Variants in SBK1 observed in about 807,000 individuals in gnomAD.
The protein encoded by SBK1 is SH3 domain binding kinase 1, also known as serine/threonine-protein kinase SBK1.
Under a neutral mutation model 24.4 loss-of-function variants are expected in SBK1, and 11 were observed. That is an observed-to-expected ratio of 0.45 (90% CI 0.28 to 0.75). The LOEUF is 0.75. SBK1 is among the 30% of genes least tolerant of loss of function. The pLI is 0.12. For missense variants in SBK1, 467 were observed against 620.5 expected, an observed-to-expected ratio of 0.75 and a Z score of 2.63; for synonymous variants, 308 against 284.4, an observed-to-expected ratio of 1.08 and a Z score of -0.83.
In SBK1 at chr16:28,314,600, C is replaced by G. The variant is rs151052196; in HGVS notation, c.-7-2785C>G. Among the ~76,000 whole-genome samples the G allele has an allele frequency of 8.4e-3, 1,282 of 152,282 alleles. 10 individuals carry two copies. Among genetic ancestry groups the G allele is most frequent in the Non-Finnish European group, 0.014 (931 of 68,036 alleles). Reference sequence around the variant, plus strand: ...GTCTGGCTCTACATCTGTGCCTTCTCCCAGAGGGAGCTGTGGTCATTGTTC... The same window carrying G: ...GTCTGGCTCTACATCTGTGCCTTCTGCCAGAGGGAGCTGTGGTCATTGTTC... On this transcript the variant is annotated intron_variant, in intron 1 of 3. Coordinates refer to ENST00000341901, the MANE Select transcript of SBK1 (RefSeq NM_001024401.3).
intron 1 of SBK1, among the ~76,000 whole-genome samples, chr16:28,308,781 T>TGTG (rs1567678533): frequency 2.5e-3 from 232 of 94,500 alleles, no homozygotes; most frequent in Middle Eastern, 5.6e-3. Flanking sequence ...GTGTGTGTGT[T>TGTG]TGTTTTGTTT....
intron 1 of SBK1, among the ~76,000 whole-genome samples, chr16:28,276,362 T>C (rs957351125): frequency 3.3e-5 from 5 of 151,966 alleles, no homozygotes; most frequent in African/African-American, 4.8e-5. Flanking sequence ...CTGGGAGGCA[T>C]AGTGAGGGCG....
chr16:28,296,733 T>C lies in SBK1; in HGVS notation c.-8+3433T>C, dbSNP rs570110725. ...TGATCCCATCTTGCACTCTTACCCC[T>C]GAACTAGTGACATCCAGCAACCAAA... On this transcript the variant is annotated intron_variant, in intron 1 of 3. Coordinates refer to ENST00000341901, the MANE Select transcript of SBK1 (RefSeq NM_001024401.3). Among the ~76,000 whole-genome samples, 8 of 152,290 alleles carry C rather than the reference T, an allele frequency of 5.3e-5. No homozygotes were observed. The South Asian group carries it at 1.2e-3, about 24-fold the overall frequency.
Position 28,317,389 on chromosome 16 carries a change from A to C in SBK1, c.-3A>C. ...CTCACCACCCCTACCCAACAGGGAGAAGATGAGCGTGGGCTGCCCAGAGCC... is the reference window on the plus strand; with the variant it reads ...CTCACCACCCCTACCCAACAGGGAGCAGATGAGCGTGGGCTGCCCAGAGCC... On this transcript the variant is annotated 5_prime_UTR_variant, in exon 2 of 4. Coordinates refer to ENST00000341901, the MANE Select transcript of SBK1 (RefSeq NM_001024401.3). The surrounding 1 kb of genome is among the most constrained non-coding windows in gnomAD (Gnocchi z 4.2). 6.2e-7 allele frequency: 1 copy of C among 1,612,572 alleles called. No individual in the cohort carries two copies. Among genetic ancestry groups the C allele is most frequent in the South Asian group, 1.1e-5 (1 of 90,980 alleles).
In SBK1 at chr16:28,292,982, C is replaced by A. The variant is rs1173371155; in HGVS notation, c.-326C>A. On this transcript the variant is annotated 5_prime_UTR_variant, in exon 1 of 4. Coordinates refer to ENST00000341901, the MANE Select transcript of SBK1 (RefSeq NM_001024401.3). The stretch of plus-strand genomic sequence containing the variant: ...ATTGCGAGAACCCCCTCCCAAGATC[C>A]GGTCATTACAACTCCACACCTCAAG... 2 of 984,862 alleles carry A rather than the reference C, an allele frequency of 2.0e-6. No individual in the cohort carries two copies. The highest frequency in any genetic ancestry group is 2.4e-6 in the Non-Finnish European group (2 of 829,586). 61.0% of individuals were successfully genotyped at this position (984,862 alleles called of 1,614,324 possible).
rs143811494 is a variant in SBK1 at position 28,275,390 on chromosome 16, A to G, written c.257+15888A>G. 7.3e-3 allele frequency among the ~76,000 whole-genome samples: 1,107 copies of G among 152,316 alleles called. 15 individuals are homozygous for G. The highest frequency in any genetic ancestry group is 0.025 in the African/African-American group (1,055 of 41,576). ...ATGGGCATATCTAACTTGAATACAA[A>G]TTAAAAGTATATTTTCTATATGTAT... is the stretch of plus-strand genomic sequence containing the variant. On this transcript the variant is annotated intron_variant, in intron 1 of 3. Coordinates refer to the SBK1 transcript ENST00000671413.
At chr16:28,308,284 A>G (rs1016240401) in intron 1 of SBK1, among the ~76,000 whole-genome samples, 12 of 151,738 alleles carry the variant, frequency 7.9e-5, no homozygotes, top group African/African-American at 2.7e-4. Flanking sequence ...CTAAATATCT[A>G]GGATTACAGG....
chr16:28,266,359 C>A (rs888772370), intron 1 of SBK1, among the ~76,000 whole-genome samples: 2 of 151,714 alleles, frequency 1.3e-5, no homozygotes, highest in Non-Finnish European at 2.9e-5. Context: ...AAAGGGAGAC[C>A]CTGTCTCTTA....
intron 1 of SBK1, among the ~76,000 whole-genome samples, chr16:28,268,276 C>A (rs976144535): frequency 6.6e-6 from 1 of 151,844 alleles, no homozygotes; most frequent in African/African-American, 2.4e-5. Flanking sequence ...AGAGTCTCAC[C>A]CTGTCAACTA....
chr16:28,283,058 G>A (rs1244044388), intron 1 of SBK1, among the ~76,000 whole-genome samples: 4 of 151,888 alleles, frequency 2.6e-5, no homozygotes, highest in Admixed American at 6.6e-5. Context: ...TCAGCCTCCC[G>A]AGTAGCTGAG....
At chr16:28,283,075 G>A (rs1488600401) in intron 1 of SBK1, among the ~76,000 whole-genome samples, 1 of 152,116 alleles carries the variant, frequency 6.6e-6, no homozygotes, top group East Asian at 1.9e-4. Flanking sequence ...TGAGATTACA[G>A]GTGTGCACCA....
chr16:28,279,779 G>A (rs1385006632), intron 1 of SBK1, among the ~76,000 whole-genome samples: 2 of 152,010 alleles, frequency 1.3e-5, no homozygotes, highest in African/African-American at 2.4e-5. Flanking sequence ...CAGCAGGCTG[G>A]GGATGAGCCC....
intron 1 of SBK1, among the ~76,000 whole-genome samples, chr16:28,301,996 C>T (rs929275881): frequency 3.3e-5 from 5 of 152,192 alleles, no homozygotes; most frequent in African/African-American, 1.2e-4. Context: ...TTGCTGGGGT[C>T]TGTATTTGTG....
rs373304445 is a variant in SBK1 at position 28,293,147 on chromosome 16, C to A, written c.-161C>A. On this transcript the variant is annotated 5_prime_UTR_variant, in exon 1 of 4. Transcript: ENST00000341901. The stretch of plus-strand genomic sequence containing the variant: ...AGCAAGAAGCCTCGGGGATCCCCCC[C>A]CTAAAGCTCCAGGACTTGGGCGACT... 114 of 985,744 alleles carry A rather than the reference C, an allele frequency of 1.2e-4. No individual in the cohort carries two copies. The South Asian group carries it at 1.6e-3, about 14-fold the overall frequency. 61.1% of individuals were successfully genotyped at this position (985,744 alleles called of 1,614,324 possible). A position where few individuals can be genotyped will look rare whatever the true frequency, so the allele number is the denominator to read the frequency against.
chr16:28,298,331 G>A (rs2044655312), intron 1 of SBK1, among the ~76,000 whole-genome samples: 1 of 152,208 alleles, frequency 6.6e-6, no homozygotes, highest in Non-Finnish European at 1.5e-5. Context: ...AGTGTCAAGT[G>A]CTCAGTGCTG....
At chr16:28,312,205 G>C (rs1390403148) in intron 1 of SBK1, among the ~76,000 whole-genome samples, 1 of 152,204 alleles carries the variant, frequency 6.6e-6, no homozygotes, top group Non-Finnish European at 1.5e-5. Flanking sequence ...AGAGCCCCTG[G>C]GGGACAGCCC....
chr16:28,292,757 CT>C lies in SBK1; in HGVS notation c.-549del. The stretch of plus-strand genomic sequence containing the variant: ...GCAGCCGAGGAGTGCGGGGAGCCCC[CT>C]TCCACATCCAGGATCCGGCGAGCCT... On this transcript the variant is annotated 5_prime_UTR_variant, in exon 1 of 4. Coordinates refer to ENST00000341901, the MANE Select transcript of SBK1 (RefSeq NM_001024401.3). 1 of 985,258 alleles carries C rather than the reference CT, an allele frequency of 1.0e-6. No individual in the cohort carries two copies. The highest frequency in any genetic ancestry group is 1.2e-6 in the Non-Finnish European group (1 of 829,784). The allele number at this position is 985,258 out of a possible 1,614,324, so 61.0% of individuals were successfully genotyped here.
chr16:28,304,200 C>T (rs913807631), intron 1 of SBK1, among the ~76,000 whole-genome samples: 13 of 152,194 alleles, frequency 8.5e-5, no homozygotes, highest in Non-Finnish European at 1.6e-4. Context: ...AATGGCAGTA[C>T]ATCCATATAT....
chr16:28,279,413 C>CAAAAAAAAAAAAA (rs34582546), intron 1 of SBK1, among the ~76,000 whole-genome samples: 2 of 84,774 alleles, frequency 2.4e-5, no homozygotes, highest in African/African-American at 4.4e-5. Flanking sequence ...AAAACAAAAC[C>CAAAAAAAAAAAAA]AAAAAAAAAA....
Sources: gnomAD v4.1 joint callset for allele counts (sites outside exome capture counted in the v4.1 genomes callset) on GRCh38, gnomAD v4.1.1 for gene constraint, Gnocchi (gnomAD v3.1) non-coding constraint, MANE v1.5 for transcripts, NCBI Gene and HGNC (gene_info 2026-07-23, HGNC 2026-07-21) for gene names.